ZNF83: variants seen among roughly 807,000 people sequenced by gnomAD.
ZNF83 encodes the protein zinc finger protein 83.
For missense variants in ZNF83, 552 were observed against 629.9 expected, an observed-to-expected ratio of 0.88 and a Z score of 1.32; for synonymous variants, 209 against 213.0, an observed-to-expected ratio of 0.98 and a Z score of 0.17.
Position 52,681,303 on chromosome 19 carries a change from C to CAAAAAAAAAAAAAAAAAAA in ZNF83, c.-283+9139_-283+9140insTTTTTTTTTTTTTTTTTTT. ...CTCAAAAAAAAAAAAAAAAAAAAAG[C>CAAAAAAAAAAAAAAAAAAA]AAACGAACATAGAGTTTTCTCTACA... On this transcript the variant is annotated intron_variant, in intron 1 of 5. Transcript: ENST00000594682. 4.5e-4 allele frequency among the ~76,000 whole-genome samples: 35 copies of CAAAAAAAAAAAAAAAAAAA among 78,292 alleles called. 1 individual carries two copies. Among genetic ancestry groups the CAAAAAAAAAAAAAAAAAAA allele is most frequent in the African/African-American group, 6.9e-4 (15 of 21,698 alleles). 51.4% of individuals were successfully genotyped at this position (78,292 alleles called of 152,430 possible).
upstream of ZNF83, among the ~76,000 whole-genome samples, chr19:52,639,565 G>A (rs1048845532): frequency 1.3e-5 from 2 of 151,214 alleles, no homozygotes; most frequent in African/African-American, 2.4e-5. Flanking sequence ...TTACAGACGC[G>A]CACAACCATG....
intron 2 of ZNF83, among the ~76,000 whole-genome samples, chr19:52,633,429 T>C (rs1371032194): frequency 6.6e-6 from 1 of 152,216 alleles, no homozygotes; most frequent in Non-Finnish European, 1.5e-5. Context: ...CTGCCGTTTT[T>C]TCCTAAAGTC....
At chr19:52,630,322 C>A (rs1371044417) in intron 2 of ZNF83, among the ~76,000 whole-genome samples, 1 of 152,210 alleles carries the variant, frequency 6.6e-6, no homozygotes, top group East Asian at 1.9e-4. Flanking sequence ...AGTGGAAAGT[C>A]AGTCTGTCCC....
chr19:52,643,529 A>G (rs768479467), intron 3 of ZNF83, among the ~76,000 whole-genome samples: 2 of 151,822 alleles, frequency 1.3e-5, no homozygotes, highest in Non-Finnish European at 2.9e-5. Context: ...GTGAAACCCC[A>G]TCTTTACTAA....
intron 1 of ZNF83, among the ~76,000 whole-genome samples, chr19:52,687,767 G>A (rs552883843): frequency 6.8e-6 from 1 of 146,876 alleles, no homozygotes; most frequent in Non-Finnish European, 1.5e-5. Context: ...CAAGGCTGCA[G>A]TTAGAGGAGA....
At chr19:52,643,032 T>A (rs1741510274), upstream of ZNF83, among the ~76,000 whole-genome samples, 1 of 152,070 alleles carries the variant, frequency 6.6e-6, no homozygotes, top group African/African-American at 2.4e-5. Context: ...TGGGTATCTG[T>A]AATCCCAGCT....
intron 1 of ZNF83, among the ~76,000 whole-genome samples, chr19:52,688,560 C>A (rs1385306307): frequency 6.6e-6 from 1 of 151,598 alleles, no homozygotes; most frequent in Non-Finnish European, 1.5e-5. Context: ...GTTTTATTTT[C>A]CCCCGGGGTT....
chr19:52,640,757 TC>T (rs2061292161), upstream of ZNF83, among the ~76,000 whole-genome samples: 6 of 152,124 alleles, frequency 3.9e-5, no homozygotes, highest in African/African-American at 1.4e-4. Context: ...CTCTGCCTGC[TC>T]AAACAAGGCG....
chr19:52,682,922 G>C (rs1177711919), intron 1 of ZNF83, among the ~76,000 whole-genome samples: 1 of 152,126 alleles, frequency 6.6e-6, no homozygotes, highest in Non-Finnish European at 1.5e-5. Flanking sequence ...CCAGGCTGGA[G>C]TACAGTGGCA....
chr19:52,673,804 C>A (rs1172159481), intron 1 of ZNF83, among the ~76,000 whole-genome samples: 2 of 150,996 alleles, frequency 1.3e-5, no homozygotes, highest in African/African-American at 4.9e-5. Flanking sequence ...CACCTCAGGT[C>A]AAAAGTTCGA....
intron 1 of ZNF83, among the ~76,000 whole-genome samples, chr19:52,676,235 G>A (rs1396365537): frequency 3.3e-5 from 5 of 152,124 alleles, no homozygotes; most frequent in Non-Finnish European, 5.9e-5. Flanking sequence ...TGCCAGCCTC[G>A]GCCTCCCGAG....
intron 3 of ZNF83, among the ~76,000 whole-genome samples, chr19:52,645,075 T>C (rs916902472): frequency 5.3e-5 from 8 of 151,346 alleles, no homozygotes; most frequent in African/African-American, 1.9e-4. Flanking sequence ...CCAACCCATC[T>C]TTCAACATTT....
chr19:52,630,092 C>G (rs1213854260), intron 2 of ZNF83, among the ~76,000 whole-genome samples: 2 of 152,202 alleles, frequency 1.3e-5, no homozygotes, highest in African/African-American at 4.8e-5. Context: ...GCCCGCAGCC[C>G]AGGATTCCTC....
At chr19:52,683,228 CTGTGTGTGTGTGTGTG>C (rs67463602) in intron 1 of ZNF83, among the ~76,000 whole-genome samples, 1,460 of 128,038 alleles carry the variant, frequency 0.011, 12 homozygotes, top group African/African-American at 0.038. Flanking sequence ...CCCTGTGACT[CTGTGTGTGTGTGTGTG>C]TGTGTGTGTG....
At position 52,614,642 on chromosome 19, in the gene ZNF83, ACT is replaced by A. The variant is rs1391413400; in HGVS notation, c.-80_-79del. 7.0e-7 allele frequency: 1 copy of A among 1,422,964 alleles called. No homozygotes were observed. The highest frequency in any genetic ancestry group is 1.4e-5 in the African/African-American group (1 of 69,796). The allele number at this position is 1,422,964 out of a possible 1,614,324, so 88.1% of individuals were successfully genotyped here. On this transcript the variant is annotated 5_prime_UTR_variant, in exon 3 of 3. It introduces an in-frame stop codon into an upstream open reading frame of the 5' UTR. Coordinates refer to ENST00000301096, the Ensembl canonical transcript of ZNF83. ...TGTCTTCAATCATGTTTCCACAGAC[ACT>A]GAGAGTCATGTACATTTTTCTGGGT...
At chr19:52,658,434 T>C (rs975715115) in intron 2 of ZNF83, among the ~76,000 whole-genome samples, 11 of 152,248 alleles carry the variant, frequency 7.2e-5, no homozygotes, top group Middle Eastern at 3.4e-3. Flanking sequence ...GGTGTGGTGG[T>C]GCGCACCTGT....
chr19:52,655,381 C>T (rs1288716109), intron 3 of ZNF83: 1 of 591,866 alleles, frequency 1.7e-6, no homozygotes. Context: ...TGTAAAACCA[C>T]TCCATAGGAT....
chr19:52,665,731 C>T (rs1403243192), intron 1 of ZNF83, among the ~76,000 whole-genome samples: 2 of 152,156 alleles, frequency 1.3e-5, no homozygotes, highest in Non-Finnish European at 2.9e-5. Context: ...TTAGCCTGTG[C>T]GGTCTAATCC....
chr19:52,680,787 T>C (rs556496818), intron 1 of ZNF83, among the ~76,000 whole-genome samples: 1 of 147,574 alleles, frequency 6.8e-6, no homozygotes, highest in African/African-American at 2.6e-5. Flanking sequence ...TAATTTTTTG[T>C]ATTTTTAGTA....
Sources: gnomAD v4.1 joint callset for allele counts (sites outside exome capture counted in the v4.1 genomes callset) on GRCh38, gnomAD v4.1.1 for gene constraint, MANE v1.5 for transcripts, NCBI Gene and HGNC (gene_info 2026-07-23, HGNC 2026-07-21) for gene names.